Variants in AXDND1 observed in about 807,000 individuals in gnomAD.
AXDND1 encodes axonemal dynein light chain domain containing 1.
In AXDND1, 110 loss-of-function variants were observed where a neutral mutation model predicts 137.5. The observed-to-expected ratio is 0.80, with a 90% CI of 0.69 to 0.94. AXDND1 has a LOEUF of 0.94. AXDND1 is among the 40% of genes least tolerant of loss of function. The probability of loss-of-function intolerance (pLI) is 0.00; values close to 1 mark genes in which losing one functional copy is unlikely to be tolerated. For synonymous variants in AXDND1, 414 were observed against 399.7 expected (o/e 1.04, Z -0.43); for missense variants, 1,191 against 1,169.8 (o/e 1.02, Z -0.26).
At chr1:179,549,858 A>G (rs1673031627) in intron 25 of AXDND1, among the ~76,000 whole-genome samples, 1 of 152,048 alleles carries the variant, frequency 6.6e-6, no homozygotes, top group Non-Finnish European at 1.5e-5. Flanking sequence ...ACCTATGATC[A>G]TGCCCCGGCT....
intron 25 of AXDND1, among the ~76,000 whole-genome samples, chr1:179,540,038 C>T (rs892546090): frequency 2.0e-5 from 3 of 151,864 alleles, no homozygotes; most frequent in Non-Finnish European, 2.9e-5. Context: ...TTTTCAGCTC[C>T]GTCAGGTCAT....
intron 25 of AXDND1, among the ~76,000 whole-genome samples, chr1:179,550,270 T>C (rs1673073345): frequency 6.6e-6 from 1 of 152,200 alleles, no homozygotes. Flanking sequence ...AATTGTATAA[T>C]GCAAATTAAT....
At chr1:179,507,292 T>A (rs1168499658) in intron 20 of AXDND1, among the ~76,000 whole-genome samples, 2 of 152,180 alleles carry the variant, frequency 1.3e-5, no homozygotes, top group South Asian at 4.1e-4. Context: ...CTCTATAGAT[T>A]ATTGTAAAAC....
intron 14 of AXDND1, among the ~76,000 whole-genome samples, chr1:179,431,428 C>T (rs928105907): frequency 2.6e-5 from 4 of 152,066 alleles, no homozygotes; most frequent in Non-Finnish European, 4.4e-5. Context: ...AGGCATGAGC[C>T]ACCATGCCCA....
intron 16 of AXDND1, chr1:179,453,069 G>A (rs1248947623): frequency 6.6e-6 from 1 of 152,264 alleles, no homozygotes; most frequent in Admixed American, 6.5e-5. Context: ...TATTGAACCT[G>A]CGGGTGTACA....
chr1:179,402,384 T>C (rs1652235923), intron 11 of AXDND1, among the ~76,000 whole-genome samples: 1 of 152,196 alleles, frequency 6.6e-6, no homozygotes, highest in Non-Finnish European at 1.5e-5. Context: ...AAGCTGATGA[T>C]CTTGCTTTCT....
chr1:179,371,225 C>T (rs1365045169), intron 4 of AXDND1, among the ~76,000 whole-genome samples: 2 of 151,972 alleles, frequency 1.3e-5, no homozygotes, highest in Admixed American at 1.3e-4. Context: ...GTCAGGAGTT[C>T]GAGACTAGTC....
In AXDND1 at chr1:179,366,392, C is replaced by A. The variant is rs374984676; in HGVS notation, c.-106-12C>A. 1.1e-5 allele frequency: 7 copies of A among 611,194 alleles called. No individual in the cohort carries two copies. The highest frequency in any genetic ancestry group is 1.4e-5 in the Non-Finnish European group (5 of 357,420). 37.9% of individuals were successfully genotyped at this position (611,194 alleles called of 1,614,324 possible). ...TTTTTTTTTTTTTAAATCTTTTTTC[C>A]TCTGCCTGCAGGACTATGTGGCAGC... On this transcript the variant is annotated splice_polypyrimidine_tract_variant and intron_variant, in intron 1 of 25. Coordinates refer to ENST00000367618, the MANE Select transcript of AXDND1 (RefSeq NM_144696.6).
intron 4 of AXDND1, among the ~76,000 whole-genome samples, chr1:179,378,272 G>A (rs529229025): frequency 6.6e-6 from 1 of 152,262 alleles, no homozygotes; most frequent in African/African-American, 2.4e-5. Context: ...CAAAGGGGAT[G>A]TAGAGTTGGA....
intron 12 of AXDND1, among the ~76,000 whole-genome samples, chr1:179,413,365 C>T (rs1480502294): frequency 1.3e-5 from 2 of 152,054 alleles, no homozygotes; most frequent in Admixed American, 6.5e-5. Flanking sequence ...ACATTGTATC[C>T]AATAGGTGAA....
At chr1:179,448,444 C>G (rs1660043363) in intron 16 of AXDND1, 1 of 537,748 alleles carries the variant, frequency 1.9e-6, no homozygotes, top group African/African-American at 1.9e-5. Context: ...GCACCATTTT[C>G]AGCCACCTTT....
intron 16 of AXDND1, chr1:179,448,672 C>T (rs574756783): frequency 1.9e-4 from 35 of 187,468 alleles, no homozygotes; most frequent in Admixed American, 6.7e-4. Context: ...GCTTGGGACT[C>T]GCCAGGACAT....
At chr1:179,546,572 T>C (rs1222036807) in intron 25 of AXDND1, among the ~76,000 whole-genome samples, 1 of 152,100 alleles carries the variant, frequency 6.6e-6, no homozygotes, top group Non-Finnish European at 1.5e-5. Context: ...AGCCATTCTG[T>C]ACTTAGATGT....
chr1:179,509,507 T>A (rs1668827642), intron 21 of AXDND1, 104 bp downstream of exon 21: 1 of 735,286 alleles, frequency 1.4e-6, no homozygotes, highest in South Asian at 2.0e-5. Context: ...CCTTGTTCAT[T>A]TACCCTAACA....
At chr1:179,516,397 T>G (rs1361983159) in intron 21 of AXDND1, among the ~76,000 whole-genome samples, 1 of 152,212 alleles carries the variant, frequency 6.6e-6, no homozygotes, top group Non-Finnish European at 1.5e-5. Context: ...GGGCTTCGCC[T>G]TTCTCTGGTG....
At chr1:179,432,216 T>C in intron 14 of AXDND1, 51 bp from the exon 15 acceptor site, 1 of 1,481,142 alleles carries the variant, frequency 6.8e-7, no homozygotes, top group Non-Finnish European at 9.0e-7. Context: ...CTGATGATCT[T>C]GTTTATGTCT....
chr1:179,435,012 A>G lies in AXDND1; in HGVS notation c.1563+2670A>G, dbSNP rs117783244. Among the ~76,000 whole-genome samples the G allele has an allele frequency of 7.7e-4, 118 of 152,300 alleles. No individual in the cohort carries two copies. In the East Asian group the frequency reaches 0.021, roughly 27 times the overall value. On this transcript the variant is annotated intron_variant, in intron 15 of 25. Transcript: ENST00000367618. ...AGCAAAATCACAGGAAACAAAATCA[A>G]CGTGCAAAAATCACAAGCATTTCTA...
At chr1:179,552,302 T>C in intron 25 of AXDND1, 1 of 454,578 alleles carries the variant, frequency 2.2e-6, no homozygotes, top group South Asian at 2.2e-5. Flanking sequence ...CAGGAAAAGA[T>C]GCCAGCACTA....
At chr1:179,537,644 C>CA (rs1296118037) in intron 25 of AXDND1, among the ~76,000 whole-genome samples, 13 of 152,240 alleles carry the variant, frequency 8.5e-5, no homozygotes, top group Non-Finnish European at 1.0e-4. Flanking sequence ...GGATATTGGT[C>CA]AAAAATTCTC....
Sources: gnomAD v4.1 joint callset for allele counts (sites outside exome capture counted in the v4.1 genomes callset) on GRCh38, gnomAD v4.1.1 for gene constraint, MANE v1.5 for transcripts, NCBI Gene and HGNC (gene_info 2026-07-23, HGNC 2026-07-21) for gene names.